LY96: variants seen among roughly 807,000 people sequenced by gnomAD.
The protein encoded by LY96 is lymphocyte antigen 96, also known as myeloid differentiation protein-2.
Under a neutral mutation model 18.9 loss-of-function variants are expected in LY96, and 18 were observed. That is an observed-to-expected ratio of 0.95 (90% CI 0.66 to 1.41). The LOEUF is 1.41. Ranked by LOEUF, LY96 falls within the 40% of genes most tolerant of loss-of-function variation. The probability of loss-of-function intolerance (pLI) is 0.00; values close to 1 mark genes in which losing one functional copy is unlikely to be tolerated. For synonymous variants in LY96, 66 were observed against 62.6 expected (o/e 1.06, Z -0.26); for missense variants, 175 against 182.4 (o/e 0.96, Z 0.23).
At chr8:74,065,169 T>A in the LY96 span, among the ~76,000 whole-genome samples, 41 of 152,350 alleles carry the variant, frequency 2.7e-4, no homozygotes, top group African/African-American at 8.9e-4. Context: ...CACTTCTAGA[T>A]GTCTCAACTT....
the LY96 span, among the ~76,000 whole-genome samples, chr8:74,069,240 A>G: frequency 1.3e-5 from 2 of 152,220 alleles, no homozygotes; most frequent in African/African-American, 4.8e-5. Context: ...TATTTTTAAA[A>G]AATGGTTTGT....
At chr8:74,084,028 T>C in the LY96 span, among the ~76,000 whole-genome samples, 2 of 152,138 alleles carry the variant, frequency 1.3e-5, no homozygotes, top group Admixed American at 1.3e-4. Context: ...TGCTCTTTTT[T>C]TTTTTTTGTT....
chr8:74,031,924 G>T (rs1816978367), downstream of LY96, among the ~76,000 whole-genome samples: 1 of 152,160 alleles, frequency 6.6e-6, no homozygotes, highest in Non-Finnish European at 1.5e-5. Context: ...AGGAGTTCCA[G>T]ACTAGCCTGG....
the LY96 span, among the ~76,000 whole-genome samples, chr8:74,035,940 C>T: frequency 1.5e-4 from 23 of 152,162 alleles, no homozygotes; most frequent in Admixed American, 1.1e-3. Context: ...TTATATCTCC[C>T]TACAATGTAT....
At chr8:74,075,889 G>A in the LY96 span, among the ~76,000 whole-genome samples, 729 of 152,258 alleles carry the variant, frequency 4.8e-3, 2 homozygotes, top group Non-Finnish European at 7.6e-3. Flanking sequence ...GCTGACACAC[G>A]GTTTGGGTGC....
downstream of LY96, among the ~76,000 whole-genome samples, chr8:74,029,357 T>C (rs1321404453): frequency 6.6e-6 from 1 of 152,234 alleles, no homozygotes; most frequent in Admixed American, 6.5e-5. Context: ...GGTTTGGCTG[T>C]GTCCCCATTC....
At chr8:74,010,188 T>C in intron 3 of LY96, 59 bp downstream of exon 3, 1 of 1,492,450 alleles carries the variant, frequency 6.7e-7, no homozygotes, top group South Asian at 1.2e-5. Flanking sequence ...GAAAATGTTA[T>C]GAAAATTAAA....
At chr8:74,070,619 G>A in the LY96 span, among the ~76,000 whole-genome samples, 3 of 151,950 alleles carry the variant, frequency 2.0e-5, no homozygotes, top group South Asian at 2.1e-4. Flanking sequence ...CCTTTGTTAT[G>A]AGTCCATTCA....
intron 3 of LY96, among the ~76,000 whole-genome samples, chr8:74,011,261 G>A (rs2131269510): frequency 6.6e-6 from 1 of 152,266 alleles, no homozygotes; most frequent in African/African-American, 2.4e-5. Flanking sequence ...TTAAGCATAA[G>A]ATCTGCAATT....
chr8:74,037,015 AG>A, the LY96 span, among the ~76,000 whole-genome samples: 1 of 152,352 alleles, frequency 6.6e-6, no homozygotes, highest in Admixed American at 6.5e-5. Flanking sequence ...ATGTTAGGAC[AG>A]GGTTCAGAAC....
At chr8:74,088,805 C>G in the LY96 span, among the ~76,000 whole-genome samples, 1 of 152,182 alleles carries the variant, frequency 6.6e-6, no homozygotes, top group African/African-American at 2.4e-5. Flanking sequence ...AGGCTAGTCT[C>G]CAACTCCTGG....
the LY96 span, among the ~76,000 whole-genome samples, chr8:74,035,300 TCTAAGTCCCTTGGCTTAGAGTCCCTTTGA>T: frequency 4.6e-5 from 7 of 152,058 alleles, no homozygotes; most frequent in African/African-American, 1.7e-4. Flanking sequence ...GTCTTTTGAC[TCTAAGTCCCTTGGCTTAGAGTCCCTTTGA>T]CTAAGTCCCT....
chr8:74,010,312 CACTT>C (rs1250090489), intron 3 of LY96, among the ~76,000 whole-genome samples, 183 bp downstream of exon 3: 1 of 152,086 alleles, frequency 6.6e-6, no homozygotes, highest in Non-Finnish European at 1.5e-5. Context: ...GTTAGGATGA[CACTT>C]ACATGATTTG....
chr8:74,026,298 G>GT (rs1816870522), intron 3 of LY96, among the ~76,000 whole-genome samples: 1 of 152,160 alleles, frequency 6.6e-6, no homozygotes, highest in African/African-American at 2.4e-5. Context: ...CACAGCTTGT[G>GT]TGGGGCCAGG....
the LY96 span, among the ~76,000 whole-genome samples, chr8:74,047,648 T>A: frequency 6.6e-5 from 10 of 152,188 alleles, no homozygotes; most frequent in Admixed American, 5.2e-4. Flanking sequence ...TGGCTTTGCG[T>A]CCTGGCTCAG....
Position 74,028,945 on chromosome 8 carries a change from C to T in LY96, c.385-11C>T. ...TTTTGTATTACTTGTATTTCTTATA[C>T]TTCATTTTAGGGAAAATACAAATGT... On this transcript the variant is annotated splice_polypyrimidine_tract_variant and intron_variant, in intron 4 of 4. Transcript: ENST00000284818. 1 of 1,533,552 alleles carries T rather than the reference C, an allele frequency of 6.5e-7. No homozygotes were observed. The highest frequency in any genetic ancestry group is 9.0e-7 in the Non-Finnish European group (1 of 1,108,814). 95.0% of individuals were successfully genotyped at this position (1,533,552 alleles called of 1,614,324 possible).
chr8:74,083,593 C>T, the LY96 span, among the ~76,000 whole-genome samples: 6 of 152,294 alleles, frequency 3.9e-5, no homozygotes, highest in African/African-American at 1.4e-4. Context: ...TCACATTTCA[C>T]TGATTTTATT....
the LY96 span, among the ~76,000 whole-genome samples, chr8:74,044,665 C>T: frequency 6.6e-6 from 1 of 152,162 alleles, no homozygotes; most frequent in African/African-American, 2.4e-5. Context: ...CTGAGGGGCT[C>T]ACAGACTCAC....
At chr8:73,995,700 T>C (rs1478464933) in intron 1 of LY96, among the ~76,000 whole-genome samples, 3 of 152,048 alleles carry the variant, frequency 2.0e-5, no homozygotes, top group Admixed American at 6.6e-5. Context: ...CCTATGATCC[T>C]GAGTCATTGG....
Sources: gnomAD v4.1 joint callset for allele counts (sites outside exome capture counted in the v4.1 genomes callset) on GRCh38, gnomAD v4.1.1 for gene constraint, MANE v1.5 for transcripts, NCBI Gene and HGNC (gene_info 2026-07-23, HGNC 2026-07-21) for gene names.